Variants in XIAP observed in about 807,000 individuals in gnomAD.
The protein encoded by XIAP is E3 ubiquitin-protein ligase XIAP.
XIAP carries 3 observed loss-of-function variants against 33.1 expected under a neutral mutation model. The observed-to-expected ratio is 0.09, with a 90% CI of 0.04 to 0.23. The LOEUF is 0.23. Among genes scored for constraint, XIAP ranks in the 10% least tolerant of loss-of-function variants. The probability of loss-of-function intolerance (pLI) is 1.00; values close to 1 mark genes in which losing one functional copy is unlikely to be tolerated. For synonymous variants in XIAP, 98 were observed against 121.3 expected (o/e 0.81, Z 1.26); for missense variants, 264 against 363.0 (o/e 0.73, Z 2.22).
At chrX:123,871,537 A>G (rs2053193264) in intron 1 of XIAP, among the ~76,000 whole-genome samples, 1 of 105,639 alleles carries the variant, frequency 9.5e-6, no homozygotes, top group Non-Finnish European at 1.9e-5. Context: ...TTTTTTTGAG[A>G]CAGGATCTGG....
At chrX:123,893,505 C>T (rs970292008) in intron 5 of XIAP, among the ~76,000 whole-genome samples, 6 of 109,869 alleles carry the variant, frequency 5.5e-5, no homozygotes, top group Admixed American at 2.0e-4. Flanking sequence ...TCAAGCCTGG[C>T]GACAGAGCGA....
chrX:123,899,249 A>G lies in XIAP; in HGVS notation c.1100-1244A>G, dbSNP rs1336527882. On this transcript the variant is annotated intron_variant, in intron 5 of 6. Coordinates refer to ENST00000371199, the MANE Select transcript of XIAP (RefSeq NM_001167.4). ...TATATATATATGATTTTGTATATATATATGATTTTGTATATATATGATTTT... is the reference window on the plus strand; with the variant it reads ...TATATATATATGATTTTGTATATATGTATGATTTTGTATATATATGATTTT... 4.2e-5 allele frequency among the ~76,000 whole-genome samples: 4 copies of G among 94,423 alleles called. No individual in the cohort carries two copies. The South Asian group carries it at 2.0e-3, about 47-fold the overall frequency. The allele number at this position is 94,423 out of a possible 115,157, so 82.0% of individuals were successfully genotyped here.
chrX:123,870,020 C>T (rs1377997334), intron 1 of XIAP, among the ~76,000 whole-genome samples: 1 of 112,270 alleles, frequency 8.9e-6, no homozygotes, highest in Non-Finnish European at 1.9e-5. Context: ...AGTGCAGTGG[C>T]GCAATCTCAG....
intron 4 of XIAP, among the ~76,000 whole-genome samples, chrX:123,892,413 G>C (rs1299338860): frequency 9.0e-6 from 1 of 110,812 alleles, no homozygotes; most frequent in African/African-American, 3.3e-5. Flanking sequence ...AGGATGAATT[G>C]AGGTGGCCAA....
intron 1 of XIAP, among the ~76,000 whole-genome samples, chrX:123,874,869 ATTTTTTTTTTTT>A (rs773693860): frequency 2.3e-5 from 1 of 42,802 alleles, no homozygotes; most frequent in African/African-American, 1.0e-4. Context: ...TAATTCTTGT[ATTTTTTTTTTTT>A]TTTTTTTTTT....
chrX:123,880,792 C>G (rs1051950315), intron 1 of XIAP, among the ~76,000 whole-genome samples: 3 of 108,644 alleles, frequency 2.8e-5, no homozygotes, highest in African/African-American at 1.0e-4. Flanking sequence ...TATACAGACA[C>G]CAGGGTTTTG....
Position 123,912,479 on chromosome X carries a change from A to G in XIAP, c.*5298A>G, listed in dbSNP as rs190306615. 6.1e-6 allele frequency: 2 copies of G among 325,946 alleles called. No individual in the cohort carries two copies. The highest frequency in any genetic ancestry group is 3.2e-5 in the Admixed American group (1 of 31,616). 26.9% of individuals were successfully genotyped at this position (325,946 alleles called of 1,213,427 possible). A position where few individuals can be genotyped will look rare whatever the true frequency, so the allele number is the denominator to read the frequency against. ...GCAAAACCCTGTCTCTACAAAAAAT[A>G]CAAAAATTAGCTGGGCATGGTGGTG... On this transcript the variant is annotated 3_prime_UTR_variant, in exon 7 of 7. Coordinates refer to ENST00000371199, the MANE Select transcript of XIAP (RefSeq NM_001167.4).
rs928499164 is a variant in XIAP at position 123,913,076 on chromosome X, C to T, written c.*5895C>T. On this transcript the variant is annotated 3_prime_UTR_variant, in exon 7 of 7. Coordinates refer to ENST00000371199, the MANE Select transcript of XIAP (RefSeq NM_001167.4). ...GATTACAGGTGTGAACCACTGCTCC[C>T]GGCCTTGTGTGATTTTATCTAAGGG... 1.2e-5 allele frequency: 4 copies of T among 326,490 alleles called. No individual in the cohort carries two copies. Among genetic ancestry groups the T allele is most frequent in the Admixed American group, 3.1e-5 (1 of 31,989 alleles). The allele number at this position is 326,490 out of a possible 1,213,427, so 26.9% of individuals were successfully genotyped here.
At chrX:123,887,440 T>C (rs1234897384) in intron 2 of XIAP, among the ~76,000 whole-genome samples, 1 of 112,654 alleles carries the variant, frequency 8.9e-6, no homozygotes, top group East Asian at 2.8e-4. Flanking sequence ...TATACCATTA[T>C]ATATTTGACC....
At chrX:123,869,777 A>G (rs2053176963) in intron 1 of XIAP, among the ~76,000 whole-genome samples, 1 of 111,636 alleles carries the variant, frequency 9.0e-6, no homozygotes, top group African/African-American at 3.3e-5. Context: ...CATATTTCAG[A>G]TGAGGCCTAT....
At chrX:123,889,341 C>T (rs753685648) in intron 3 of XIAP, among the ~76,000 whole-genome samples, 9 of 108,599 alleles carry the variant, frequency 8.3e-5, no homozygotes, top group Non-Finnish European at 1.7e-4. Flanking sequence ...CCGCCCGCCT[C>T]GGCCTCCCAA....
At chrX:123,867,594 G>C (rs1430929090) in intron 1 of XIAP, among the ~76,000 whole-genome samples, 1 of 106,220 alleles carries the variant, frequency 9.4e-6, no homozygotes, top group Non-Finnish European at 1.9e-5. Context: ...GGCTAGTCTT[G>C]AACTCCTGAC....
chrX:123,864,376 C>T (rs2053109168), intron 1 of XIAP, among the ~76,000 whole-genome samples: 1 of 106,961 alleles, frequency 9.3e-6, no homozygotes, highest in East Asian at 2.9e-4. Context: ...TCATTGAGCA[C>T]TTAATGTGTT....
chrX:123,865,482 C>A (rs1488123509), intron 1 of XIAP, among the ~76,000 whole-genome samples: 1 of 109,369 alleles, frequency 9.1e-6, no homozygotes, highest in Admixed American at 9.8e-5. Context: ...AATCCCAGCA[C>A]TTTGGGAGAC....
At chrX:123,880,610 G>A (rs1264301474) in intron 1 of XIAP, among the ~76,000 whole-genome samples, 4 of 107,336 alleles carry the variant, frequency 3.7e-5, no homozygotes, top group African/African-American at 1.4e-4. Flanking sequence ...GGTGGCGGGC[G>A]CCTGTAATCC....
At chrX:123,869,990 C>T (rs2053178810) in intron 1 of XIAP, among the ~76,000 whole-genome samples, 2 of 112,329 alleles carry the variant, frequency 1.8e-5, no homozygotes, top group African/African-American at 3.2e-5. Flanking sequence ...GACGGAGTCT[C>T]GCTCTGTCGC....
intron 1 of XIAP, among the ~76,000 whole-genome samples, chrX:123,884,938 C>A (rs2053337473): frequency 1.5e-5 from 1 of 66,801 alleles, no homozygotes; most frequent in Non-Finnish European, 2.8e-5. Flanking sequence ...ACATGTATGT[C>A]ATGGGCAAAA....
upstream of XIAP, chrX:123,859,927 G>T (rs1336579404): frequency 1.6e-5 from 4 of 257,101 alleles, no homozygotes; most frequent in Admixed American, 1.9e-4. Context: ...AATGGCGGAG[G>T]GGGGAAGAAG....
chrX:123,866,512 T>C lies in XIAP; in HGVS notation c.-33+6219T>C, dbSNP rs1322162059. ...TATGATTAATATATAATATATGATA[T>C]ATCATATATAATATCAAAATATATA... On this transcript the variant is annotated intron_variant, in intron 1 of 6. Transcript: ENST00000371199. Among the ~76,000 whole-genome samples, 14 of 93,599 alleles carry C rather than the reference T, an allele frequency of 1.5e-4. No homozygotes were observed. The East Asian group carries it at 2.7e-3, about 18-fold the overall frequency. The allele number at this position is 93,599 out of a possible 115,157, so 81.3% of individuals were successfully genotyped here.
Sources: allele counts gnomAD v4.1 joint callset (sites outside exome capture counted in the v4.1 genomes callset), GRCh38; gene constraint gnomAD v4.1.1; transcripts MANE v1.5; gene names NCBI Gene and HGNC (gene_info 2026-07-23, HGNC 2026-07-21).